BCO2: variants seen among roughly 807,000 people sequenced by gnomAD.
BCO2 encodes the protein beta-carotene oxygenase 2.
Under a neutral mutation model 65.8 loss-of-function variants are expected in BCO2, and 56 were observed. The observed-to-expected ratio is 0.85, with a 90% confidence interval of 0.69 to 1.06. The LOEUF (loss-of-function observed/expected upper bound fraction) is 1.06, where lower values mean the gene tolerates loss of function less well. Ranked by LOEUF, BCO2 falls within the 50% of genes least tolerant of loss-of-function variation. BCO2 has a pLI of 0.00. For missense variants in BCO2, 675 were observed against 698.5 expected, an observed-to-expected ratio of 0.97 and a Z score of 0.38; for synonymous variants, 233 against 242.3, an observed-to-expected ratio of 0.96 and a Z score of 0.36.
In BCO2 at chr11:112,180,887, G is replaced by A. The variant is rs954573011; in HGVS notation, c.293+1405G>A. On this transcript the variant is annotated intron_variant, in intron 2 of 11. Transcript: ENST00000357685. ...GGCCAGCAGTAAACTCGGCATAAAA[G>A]CCACCAGTGTGTATAATGGGAAAGG... The A allele has an allele frequency of 5.5e-6, 6 of 1,086,940 alleles. No individual in the cohort carries two copies. The African/African-American group carries it at 9.2e-5, about 17-fold the overall frequency. The allele number at this position is 1,086,940 out of a possible 1,614,324, so 67.3% of individuals were successfully genotyped here.
intron 2 of BCO2, among the ~76,000 whole-genome samples, chr11:112,187,891 T>C (rs1357014237): frequency 6.6e-6 from 1 of 151,990 alleles, no homozygotes; most frequent in African/African-American, 2.4e-5. Context: ...TTTCCACATC[T>C]GTAAAATGGG....
chr11:112,213,639 C>T, intron 8 of BCO2, 85 bp from the exon 9 acceptor site: 4 of 1,286,934 alleles, frequency 3.1e-6, no homozygotes, highest in Non-Finnish European at 4.4e-6. Flanking sequence ...TTAGGAATGC[C>T]AATGATGTTG....
At chr11:112,203,571 C>G (rs1432939193) in intron 8 of BCO2, among the ~76,000 whole-genome samples, 1 of 152,074 alleles carries the variant, frequency 6.6e-6, no homozygotes, top group Non-Finnish European at 1.5e-5. Context: ...ACATATCTAT[C>G]ATCTCACATG....
intron 2 of BCO2, among the ~76,000 whole-genome samples, chr11:112,185,191 C>T (rs1867166041): frequency 6.6e-6 from 1 of 152,104 alleles, no homozygotes; most frequent in African/African-American, 2.4e-5. Context: ...AGGTATTATT[C>T]ATTCACTTAA....
chr11:112,209,764 G>T (rs1342424568), intron 8 of BCO2, among the ~76,000 whole-genome samples: 1 of 152,134 alleles, frequency 6.6e-6, no homozygotes, highest in Non-Finnish European at 1.5e-5. Flanking sequence ...GCCATTGATT[G>T]ATTTTTGAAT....
chr11:112,188,674 ACC>A (rs1176240012), intron 2 of BCO2, among the ~76,000 whole-genome samples: 1 of 151,530 alleles, frequency 6.6e-6, no homozygotes, highest in Non-Finnish European at 1.5e-5. Context: ...TCCGTAAAGA[ACC>A]AGCCAAATGT....
chr11:112,204,619 A>G (rs1413300938), intron 8 of BCO2, among the ~76,000 whole-genome samples: 1 of 152,186 alleles, frequency 6.6e-6, no homozygotes, highest in Non-Finnish European at 1.5e-5. Flanking sequence ...ATGATCTACT[A>G]CCACTTAATG....
At chr11:112,190,726 C>T (rs1157976317) in intron 2 of BCO2, among the ~76,000 whole-genome samples, 3 of 151,338 alleles carry the variant, frequency 2.0e-5, no homozygotes, top group Admixed American at 6.6e-5. Context: ...TGTGGTGGCA[C>T]GTGCCTGTGA....
chr11:112,217,515 C>T (rs1276616835), intron 11 of BCO2, among the ~76,000 whole-genome samples: 1 of 152,180 alleles, frequency 6.6e-6, no homozygotes, highest in Non-Finnish European at 1.5e-5. Flanking sequence ...GTGTGCACCA[C>T]CACGCCTGGT....
chr11:112,184,365 G>GC (rs1400915172), intron 2 of BCO2, among the ~76,000 whole-genome samples: 4 of 151,340 alleles, frequency 2.6e-5, no homozygotes, highest in Non-Finnish European at 5.9e-5. Flanking sequence ...TCATTCTCCT[G>GC]CCTCAGCCTC....
intron 2 of BCO2, chr11:112,181,870 T>C (rs1174377378): frequency 2.1e-6 from 2 of 953,962 alleles, no homozygotes; most frequent in African/African-American, 3.2e-5. Flanking sequence ...CGAGCTCATC[T>C]CTCTGGATCA....
intron 11 of BCO2, among the ~76,000 whole-genome samples, 174 bp downstream of exon 11, chr11:112,216,504 T>A (rs186085267): frequency 8.5e-4 from 129 of 152,360 alleles, no homozygotes; most frequent in Non-Finnish European, 1.3e-3. Flanking sequence ...GTTTTAAAGT[T>A]CTGTTTGGAA....
At chr11:112,181,724 A>T in intron 2 of BCO2, 9 of 935,338 alleles carry the variant, frequency 9.6e-6, no homozygotes, top group Non-Finnish European at 1.6e-5. Context: ...CAACCAAGTC[A>T]GAACTGTGAT....
chr11:112,193,877 A>G lies in BCO2; in HGVS notation c.518-2A>G, dbSNP rs1382268736. 6.3e-7 allele frequency: 1 copy of G among 1,590,942 alleles called. No homozygotes were observed. Among genetic ancestry groups the G allele is most frequent in the Admixed American group, 1.7e-5 (1 of 59,958 alleles). ...TTAAATAACTCTAGGGTTTGGTTTCAGCCATGACTGACAATACTAATGTCA... is the reference window on the plus strand; with the variant it reads ...TTAAATAACTCTAGGGTTTGGTTTCGGCCATGACTGACAATACTAATGTCA... On this transcript the variant is annotated splice_acceptor_variant, in intron 3 of 11. Coordinates refer to ENST00000357685, the MANE Select transcript of BCO2 (RefSeq NM_031938.7). LOFTEE classifies it high-confidence loss of function.
chr11:112,217,729 GATAATTTTCAA>G (rs777232679), intron 11 of BCO2, 21 bp from the exon 12 acceptor site: 5 of 1,529,542 alleles, frequency 3.3e-6, no homozygotes, highest in Non-Finnish European at 4.5e-6. Context: ...ATGAAAAAAA[GATAATTTTCAA>G]TATTGTCTTT....
intron 2 of BCO2, among the ~76,000 whole-genome samples, chr11:112,191,782 A>G (rs1206840020): frequency 1.3e-5 from 2 of 152,184 alleles, no homozygotes; most frequent in East Asian, 1.9e-4. Flanking sequence ...CAATAGATGA[A>G]TGACATAGAA....
In BCO2 at chr11:112,189,098, A is replaced by G. The variant is rs559921904; in HGVS notation, c.294-4376A>G. Among the ~76,000 whole-genome samples, 22 of 152,348 alleles carry G rather than the reference A, an allele frequency of 1.4e-4. No homozygotes were observed. The South Asian group carries it at 4.3e-3, about 30-fold the overall frequency. ...ACAATGGAGAAGAAATAATTGAAGC[A>G]GAAAAAAATTAATTACAAGAGACTT... On this transcript the variant is annotated intron_variant, in intron 2 of 11. Coordinates refer to ENST00000357685, the MANE Select transcript of BCO2 (RefSeq NM_031938.7).
chr11:112,215,117 G>A (rs1258213333), intron 10 of BCO2, 173 bp downstream of exon 10: 9 of 638,434 alleles, frequency 1.4e-5, no homozygotes, highest in Middle Eastern at 4.2e-4. Flanking sequence ...TCCTTCTAGG[G>A]AATCCAAATT....
At chr11:112,201,703 C>T (rs1159280047) in intron 7 of BCO2, among the ~76,000 whole-genome samples, 1 of 152,090 alleles carries the variant, frequency 6.6e-6, no homozygotes, top group Non-Finnish European at 1.5e-5. Flanking sequence ...TTCTATTTAA[C>T]CATGCAGTTA....
Sources: allele counts gnomAD v4.1 joint callset (sites outside exome capture counted in the v4.1 genomes callset), GRCh38; gene constraint gnomAD v4.1.1; transcripts MANE v1.5; gene names NCBI Gene and HGNC (gene_info 2026-07-23, HGNC 2026-07-21).